Variants in CSMD1 observed in about 807,000 individuals in gnomAD.
CSMD1 encodes the protein CUB and Sushi multiple domains 1.
CSMD1 carries 213 observed loss-of-function variants against 417.5 expected under a neutral mutation model. That is an observed-to-expected ratio of 0.51 (90% CI 0.46 to 0.57). The LOEUF (loss-of-function observed/expected upper bound fraction) is 0.57. Among genes scored for constraint, CSMD1 ranks in the 20% least tolerant of loss-of-function variants. The pLI is 0.00. For missense variants in CSMD1, 6,923 were observed against 4,529.7 expected (o/e 1.53, Z -15.17); for synonymous variants, 2,862 against 1,736.8 (o/e 1.65, Z -16.11).
intron 5 of CSMD1, among the ~76,000 whole-genome samples, chr8:3,891,313 G>C (rs974747942): frequency 6.6e-6 from 1 of 152,118 alleles, no homozygotes; most frequent in Non-Finnish European, 1.5e-5. Flanking sequence ...ACCTCCCAAA[G>C]TGCTGGGATT....
intron 7 of CSMD1, among the ~76,000 whole-genome samples, chr8:3,694,384 G>C (rs1039513346): frequency 8.5e-5 from 13 of 152,168 alleles, no homozygotes; most frequent in African/African-American, 3.1e-4. Flanking sequence ...ACACCCAGAA[G>C]ACTGATCAAC....
chr8:3,648,912 G>T (rs764701874), intron 7 of CSMD1, among the ~76,000 whole-genome samples: 5 of 152,124 alleles, frequency 3.3e-5, no homozygotes, highest in African/African-American at 1.2e-4. Flanking sequence ...AAATGACCAA[G>T]TGTAACAACA....
At chr8:3,969,841 T>C (rs553087735) in intron 5 of CSMD1, among the ~76,000 whole-genome samples, 1 of 152,176 alleles carries the variant, frequency 6.6e-6, no homozygotes. Context: ...GAAGTATCCA[T>C]CTATAAGTGC....
At chr8:4,317,640 T>C (rs2128882206) in intron 3 of CSMD1, among the ~76,000 whole-genome samples, 1 of 151,706 alleles carries the variant, frequency 6.6e-6, no homozygotes, top group African/African-American at 2.4e-5. Flanking sequence ...AGAGACAATT[T>C]TATTTACTGA....
At chr8:3,262,188 T>TGCTC (rs1801122541) in intron 26 of CSMD1, among the ~76,000 whole-genome samples, 1 of 36,902 alleles carries the variant, frequency 2.7e-5, no homozygotes, top group Non-Finnish European at 5.6e-5. Context: ...CATATGAATA[T>TGCTC]ATATATATAT....
At chr8:4,723,345 T>C (rs1809187914) in intron 1 of CSMD1, among the ~76,000 whole-genome samples, 1 of 152,170 alleles carries the variant, frequency 6.6e-6, no homozygotes, top group Non-Finnish European at 1.5e-5. Flanking sequence ...AAGAAAACTC[T>C]TTCAAGGACC....
In CSMD1 at chr8:3,091,544, A is replaced by G. The variant is rs746315242; in HGVS notation, c.7257T>C (p.Ser2419=). 1 of 1,606,848 alleles carries G rather than the reference A, an allele frequency of 6.2e-7. No homozygotes were observed. The highest frequency in any genetic ancestry group is 1.1e-5 in the South Asian group (1 of 89,544). The change falls in exon 48 of 70, where the codon AGT becomes AGC. Residue 2419 remains serine, a synonymous_variant. Coordinates refer to ENST00000635120, the MANE Select transcript of CSMD1 (RefSeq NM_033225.6). The part of the protein sequence containing the change: ...YLRWSTDHAT[S]KKGFKIRYAA... ...CATAGCGAATCTTGAATCCTTTCTT[A>G]CTGGTGGCATGGTCAGTGGACCAGC...
chr8:3,906,304 C>A (rs566976027), intron 5 of CSMD1, among the ~76,000 whole-genome samples: 33 of 151,754 alleles, frequency 2.2e-4, no homozygotes, highest in South Asian at 1.0e-3. Context: ...AAAAAAAAAA[C>A]CCCATGAAAC....
chr8:4,202,586 G>T (rs534835744), intron 3 of CSMD1, among the ~76,000 whole-genome samples: 1 of 152,118 alleles, frequency 6.6e-6, no homozygotes, highest in East Asian at 1.9e-4. Context: ...ATTCAAAAAA[G>T]GTTACTTTCC....
chr8:4,120,787 A>T (rs368705779), intron 3 of CSMD1, among the ~76,000 whole-genome samples: 2 of 152,226 alleles, frequency 1.3e-5, no homozygotes, highest in South Asian at 4.1e-4. Context: ...TCACTTTCCA[A>T]ACAAAAGACA....
chr8:3,396,020 G>C (rs2166711), intron 17 of CSMD1, among the ~76,000 whole-genome samples, 174 bp downstream of exon 17: 80,217 of 152,100 alleles, frequency 0.53, 21,411 homozygotes, highest in Middle Eastern at 0.62. Flanking sequence ...GTAATTCCAA[G>C]ATGCTCTCTT....
At chr8:3,637,846 T>A (rs1797124430) in intron 7 of CSMD1, among the ~76,000 whole-genome samples, 1 of 152,152 alleles carries the variant, frequency 6.6e-6, no homozygotes, top group Non-Finnish European at 1.5e-5. Context: ...GTGCTGTTCC[T>A]ATGGTAGTGA....
At chr8:3,871,295 A>G (rs545937715) in intron 5 of CSMD1, among the ~76,000 whole-genome samples, 12 of 152,122 alleles carry the variant, frequency 7.9e-5, no homozygotes, top group Non-Finnish European at 1.6e-4. Context: ...GCACTGATTT[A>G]TACTCCTACT....
rs114767308 is a variant in CSMD1 at position 3,223,325 on chromosome 8, G to A, written c.4484+404C>T. Among the ~76,000 whole-genome samples the A allele has an allele frequency of 5.4e-3, 816 of 152,214 alleles. 5 individuals are homozygous for A. Among genetic ancestry groups the A allele is most frequent in the African/African-American group, 0.018 (761 of 41,534 alleles). ...AAGTCTTAATTTTATAATGATATTA[G>A]CAGTGCTACCCTCAGGAACGTCAGG... On this transcript the variant is annotated intron_variant, in intron 28 of 69. Coordinates refer to ENST00000635120, the MANE Select transcript of CSMD1 (RefSeq NM_033225.6).
chr8:4,121,620 T>TA (rs35084613), intron 3 of CSMD1, among the ~76,000 whole-genome samples: 3,328 of 144,072 alleles, frequency 0.023, 98 homozygotes, highest in African/African-American at 0.078. Context: ...ACACCTAGTT[T>TA]AAAAAAAAAA....
intron 3 of CSMD1, among the ~76,000 whole-genome samples, chr8:4,282,121 A>C (rs766106677): frequency 6.6e-6 from 1 of 152,250 alleles, no homozygotes; most frequent in African/African-American, 2.4e-5. Flanking sequence ...TTAATTATGT[A>C]AACTTTAAAG....
chr8:3,977,325 G>A (rs1813510646), intron 5 of CSMD1, among the ~76,000 whole-genome samples: 2 of 152,032 alleles, frequency 1.3e-5, no homozygotes, highest in East Asian at 1.9e-4. Context: ...CTTTCCCAAT[G>A]TCCTGCCATA....
chr8:4,190,025 A>G (rs1218348562), intron 3 of CSMD1, among the ~76,000 whole-genome samples: 5 of 151,964 alleles, frequency 3.3e-5, no homozygotes, highest in African/African-American at 1.2e-4. Context: ...TTGGGAGGCC[A>G]AGGCAGGTAG....
chr8:4,881,644 T>C (rs1054648807), intron 1 of CSMD1, among the ~76,000 whole-genome samples: 4 of 151,918 alleles, frequency 2.6e-5, no homozygotes, highest in African/African-American at 9.7e-5. Flanking sequence ...TAAAAAACTA[T>C]GCAAAGTTTT....
Sources: allele counts gnomAD v4.1 joint callset (sites outside exome capture counted in the v4.1 genomes callset), GRCh38; gene constraint gnomAD v4.1.1; transcripts MANE v1.5; gene names NCBI Gene and HGNC (gene_info 2026-07-23, HGNC 2026-07-21).